MB21D2: variants seen among roughly 807,000 people sequenced by gnomAD.
MB21D2 encodes the protein nucleotidyltransferase MB21D2.
Under a neutral mutation model 33.3 loss-of-function variants are expected in MB21D2, and 9 were observed. The ratio of observed to expected loss-of-function variants is 0.27; its 90% CI spans 0.16 to 0.47. MB21D2 has a LOEUF of 0.47. MB21D2 is among the 20% of genes least tolerant of loss of function. The pLI is 0.99. For missense variants in MB21D2, 540 were observed against 624.6 expected (o/e 0.86, Z 1.44); for synonymous variants, 241 against 236.3 (o/e 1.02, Z -0.18).
rs1473435773 is a variant in MB21D2 at position 192,911,986 on chromosome 3, TG to T, written c.211+5643del. On this transcript the variant is annotated intron_variant, in intron 1 of 1. Coordinates refer to ENST00000392452, the MANE Select transcript of MB21D2 (RefSeq NM_178496.4). Reference sequence around the variant, plus strand: ...CATAAATTTCCATGGTAAATCCTGCTGGGGGAATTCATTAACAGAAAAGTAG... The same window carrying T: ...CATAAATTTCCATGGTAAATCCTGCTGGGGAATTCATTAACAGAAAAGTAG... 3.3e-5 allele frequency among the ~76,000 whole-genome samples: 5 copies of T among 152,128 alleles called. No individual in the cohort carries two copies. The East Asian group carries it at 9.6e-4, about 29-fold the overall frequency.
intron 1 of MB21D2, among the ~76,000 whole-genome samples, chr3:192,887,690 C>T (rs1037406387): frequency 2.0e-5 from 3 of 152,036 alleles, no homozygotes; most frequent in Non-Finnish European, 4.4e-5. Context: ...CTTAGCCCAA[C>T]AAAAAATATT....
chr3:192,814,864 C>CA (rs11370792), intron 1 of MB21D2, among the ~76,000 whole-genome samples: 65,799 of 124,720 alleles, frequency 0.53, 15,515 homozygotes, highest in East Asian at 0.65. Context: ...GACTCCATCC[C>CA]AAAAAAAAAA....
At chr3:192,901,036 T>C (rs1216963727) in intron 1 of MB21D2, among the ~76,000 whole-genome samples, 1 of 151,778 alleles carries the variant, frequency 6.6e-6, no homozygotes, top group Non-Finnish European at 1.5e-5. Context: ...AAGGAAACAG[T>C]ACTGAAAAAT....
At chr3:192,831,116 G>C (rs1342086668) in intron 1 of MB21D2, among the ~76,000 whole-genome samples, 2 of 152,218 alleles carry the variant, frequency 1.3e-5, no homozygotes, top group African/African-American at 4.8e-5. Context: ...CTGAAGCTAG[G>C]TCATAAAGAC....
chr3:192,871,956 A>G (rs924313767), intron 1 of MB21D2, among the ~76,000 whole-genome samples: 2 of 152,032 alleles, frequency 1.3e-5, no homozygotes, highest in African/African-American at 4.8e-5. Context: ...AAACAGAAAA[A>G]CCACCGGTGC....
At chr3:192,882,381 T>G (rs202008499) in intron 1 of MB21D2, among the ~76,000 whole-genome samples, 2 of 75,620 alleles carry the variant, frequency 2.6e-5, no homozygotes, top group African/African-American at 7.6e-5. Context: ...CGCACATTAT[T>G]AAACAAAATG....
At chr3:192,915,096 T>C (rs751063737) in intron 1 of MB21D2, among the ~76,000 whole-genome samples, 1 of 152,100 alleles carries the variant, frequency 6.6e-6, no homozygotes, top group Non-Finnish European at 1.5e-5. Flanking sequence ...TCATTCTGTG[T>C]GAGGGGATAA....
intron 1 of MB21D2, among the ~76,000 whole-genome samples, chr3:192,862,720 C>T (rs546360329): frequency 2.0e-5 from 3 of 152,262 alleles, no homozygotes; most frequent in Admixed American, 6.5e-5. Context: ...AAGGGAAAGT[C>T]GGACGCGGAC....
At chr3:192,814,716 T>C (rs1711879342) in intron 1 of MB21D2, among the ~76,000 whole-genome samples, 2 of 151,810 alleles carry the variant, frequency 1.3e-5, no homozygotes, top group African/African-American at 4.8e-5. Context: ...ATACAAAAAA[T>C]TACCCAGGCG....
intron 1 of MB21D2, among the ~76,000 whole-genome samples, chr3:192,884,578 AG>A (rs1405762089): frequency 2.0e-5 from 3 of 152,032 alleles, no homozygotes; most frequent in Non-Finnish European, 2.9e-5. Flanking sequence ...CGTGTTAGCC[AG>A]GATGGTCTTG....
chr3:192,916,200 C>T (rs962845540), intron 1 of MB21D2, among the ~76,000 whole-genome samples: 12 of 151,798 alleles, frequency 7.9e-5, no homozygotes, highest in African/African-American at 2.4e-4. Flanking sequence ...ACGTAAGACA[C>T]ACTTGAAGAG....
chr3:192,901,411 TTCAAA>T (rs1287202711), intron 1 of MB21D2, among the ~76,000 whole-genome samples: 13 of 28,154 alleles, frequency 4.6e-4, no homozygotes, highest in African/African-American at 1.4e-3. Flanking sequence ...CTACTAAAAA[TTCAAA>T]AAAAAAAAAA....
intron 1 of MB21D2, among the ~76,000 whole-genome samples, chr3:192,871,422 C>T (rs911157993): frequency 1.3e-5 from 2 of 152,154 alleles, no homozygotes; most frequent in Non-Finnish European, 2.9e-5. Context: ...TTACCCGACA[C>T]TGAGAGGGAT....
intron 1 of MB21D2, among the ~76,000 whole-genome samples, chr3:192,892,236 C>G (rs1289250502): frequency 6.6e-6 from 1 of 152,144 alleles, no homozygotes; most frequent in Non-Finnish European, 1.5e-5. Context: ...GCTTTCACAC[C>G]CAGCAGGCTC....
intron 1 of MB21D2, among the ~76,000 whole-genome samples, chr3:192,893,456 C>T (rs1401728305): frequency 6.6e-6 from 1 of 152,160 alleles, no homozygotes; most frequent in Non-Finnish European, 1.5e-5. Flanking sequence ...GCCTAATTTC[C>T]TCAATTTATA....
intron 1 of MB21D2, among the ~76,000 whole-genome samples, chr3:192,813,020 A>G (rs893760552): frequency 3.9e-5 from 6 of 152,156 alleles, no homozygotes; most frequent in Middle Eastern, 3.2e-3. Flanking sequence ...ATCTTTGGGG[A>G]AACAAGCTGA....
chr3:192,822,150 G>A (rs1385887393), intron 1 of MB21D2, among the ~76,000 whole-genome samples: 1 of 142,678 alleles, frequency 7.0e-6, no homozygotes, highest in Non-Finnish European at 1.5e-5. Context: ...AATTAAATGT[G>A]CCACAAACAA....
chr3:192,807,905 G>A (rs1711701367), intron 1 of MB21D2, among the ~76,000 whole-genome samples: 1 of 151,954 alleles, frequency 6.6e-6, no homozygotes, highest in Non-Finnish European at 1.5e-5. Flanking sequence ...ATATCTCAGT[G>A]ACTCAAAACA....
chr3:192,857,913 T>G (rs890398487), intron 1 of MB21D2, among the ~76,000 whole-genome samples: 3 of 151,998 alleles, frequency 2.0e-5, no homozygotes, highest in Non-Finnish European at 4.4e-5. Context: ...TCACCTGAGG[T>G]TGGGAGTTCG....
Sources: gnomAD v4.1 joint callset for allele counts (sites outside exome capture counted in the v4.1 genomes callset) on GRCh38, gnomAD v4.1.1 for gene constraint, MANE v1.5 for transcripts, NCBI Gene and HGNC (gene_info 2026-07-23, HGNC 2026-07-21) for gene names.